Variants in LRRFIP2 observed in about 807,000 individuals in gnomAD.
The protein encoded by LRRFIP2 is leucine-rich repeat flightless-interacting protein 2.
A neutral mutation model predicts 125.9 loss-of-function variants in LRRFIP2; 109 were observed. That is an observed-to-expected ratio of 0.87 (90% CI 0.74 to 1.01). The LOEUF (loss-of-function observed/expected upper bound fraction) is 1.01, where lower values mean the gene tolerates loss of function less well. Among genes scored for constraint, LRRFIP2 ranks in the 50% least tolerant of loss-of-function variants. LRRFIP2 has a pLI of 0.00. For missense variants in LRRFIP2, 850 were observed against 862.3 expected (o/e 0.99, Z 0.18); for synonymous variants, 291 against 293.1 (o/e 0.99, Z 0.07).
chr3:37,126,388 T>C (rs1426404327), intron 4 of LRRFIP2, among the ~76,000 whole-genome samples: 1 of 152,040 alleles, frequency 6.6e-6, no homozygotes, highest in African/African-American at 2.4e-5. Context: ...GAAGTGATAA[T>C]TATTCCCATC....
intron 18 of LRRFIP2, among the ~76,000 whole-genome samples, chr3:37,087,324 CATCT>C (rs1211600396): frequency 3.9e-5 from 6 of 152,112 alleles, no homozygotes; most frequent in South Asian, 2.1e-4. Context: ...AATTCTCATC[CATCT>C]GAGAGGCTAA....
At chr3:37,134,790 T>A (rs879043045) in intron 2 of LRRFIP2, 5 of 817,112 alleles carry the variant, frequency 6.1e-6, no homozygotes, top group Non-Finnish European at 6.5e-6. Flanking sequence ...TGACAGCCCA[T>A]ATCAAAGCGG....
At chr3:37,135,026 A>G in intron 2 of LRRFIP2, 1 of 1,476,964 alleles carries the variant, frequency 6.8e-7, no homozygotes, top group Non-Finnish European at 9.4e-7. Context: ...AGTGCCAGAG[A>G]GCACACGGAT....
At chr3:37,117,781 A>C (rs2094858556) in intron 6 of LRRFIP2, among the ~76,000 whole-genome samples, 1 of 152,206 alleles carries the variant, frequency 6.6e-6, no homozygotes, top group Non-Finnish European at 1.5e-5. Context: ...AAGGACACTG[A>C]AAGTCAAAAG....
chr3:37,063,317 G>A (rs1010372741), intron 24 of LRRFIP2, among the ~76,000 whole-genome samples: 1 of 152,122 alleles, frequency 6.6e-6, no homozygotes, highest in Non-Finnish European at 1.5e-5. Context: ...AGGGACAAAG[G>A]ATGAAAAACA....
chr3:37,101,668 G>GAAA (rs56878231), intron 15 of LRRFIP2, among the ~76,000 whole-genome samples: 14 of 128,338 alleles, frequency 1.1e-4, no homozygotes, highest in Non-Finnish European at 1.1e-4. Context: ...CTGTCACCAA[G>GAAA]AAAAAAAAAA....
rs1361055275 is a variant in LRRFIP2, at chr3:37,153,323, C to A, written c.-55-4285G>T. Among the ~76,000 whole-genome samples, 3 of 152,042 alleles carry A rather than the reference C, an allele frequency of 2.0e-5. No individual in the cohort carries two copies. The South Asian group carries it at 6.3e-4, about 32-fold the overall frequency. ...CAAGAACTGACTGACCCTGGGAGGT[C>A]AACGCTGCAGTGAGCCATGATCACT... On this transcript the variant is annotated intron_variant, in intron 1 of 27. Transcript: ENST00000336686.
intron 4 of LRRFIP2, among the ~76,000 whole-genome samples, chr3:37,125,660 A>G (rs2095245677): frequency 6.6e-6 from 1 of 152,188 alleles, no homozygotes; most frequent in African/African-American, 2.4e-5. Flanking sequence ...CTCATTTCTG[A>G]GCTTCCTTCC....
rs1271180997 is a variant in LRRFIP2 at position 37,129,122 on chromosome 3, C to T, written c.118G>A (p.Ala40Thr). Residue 40 changes from alanine (A) to threonine (T), a missense_variant, in exon 3 of 28, where the codon GCT (alanine) becomes ACT (threonine). Transcript: ENST00000336686. ...EAEARLAAKR[A>T]ARAEARDIRM... ...ATATCTCTTGCTTCTGCCCGGGCAG[C>T]CCGTTTTGCTGCCAGCCTTGCCTCT... is the stretch of plus-strand genomic sequence containing the variant. 7.4e-6 allele frequency: 12 copies of T among 1,614,022 alleles called. No individual in the cohort carries two copies. The highest frequency in any genetic ancestry group is 1.0e-5 in the Non-Finnish European group (12 of 1,180,006).
chr3:37,153,217 T>C (rs1263057622), intron 1 of LRRFIP2, among the ~76,000 whole-genome samples: 1 of 151,996 alleles, frequency 6.6e-6, no homozygotes, highest in Non-Finnish European at 1.5e-5. Flanking sequence ...GGCAAAACCC[T>C]GTCTCTAGAA....
chr3:37,139,694 C>A (rs2095643988), intron 2 of LRRFIP2, among the ~76,000 whole-genome samples: 1 of 152,144 alleles, frequency 6.6e-6, no homozygotes, highest in South Asian at 2.1e-4. Context: ...ATGTCCTCCC[C>A]AGGACTTTGT....
At chr3:37,164,031 A>G (rs2096412765) in intron 1 of LRRFIP2, among the ~76,000 whole-genome samples, 1 of 152,356 alleles carries the variant, frequency 6.6e-6, no homozygotes. Context: ...TTCGTTTTAT[A>G]GCTTATAAAT....
At chr3:37,111,577 A>G (rs886481093) in intron 8 of LRRFIP2, among the ~76,000 whole-genome samples, 2 of 152,222 alleles carry the variant, frequency 1.3e-5, no homozygotes, top group Non-Finnish European at 2.9e-5. Flanking sequence ...AAAATAAACA[A>G]TAGTACACAT....
chr3:37,163,330 C>T (rs936287603), intron 1 of LRRFIP2, among the ~76,000 whole-genome samples: 5 of 152,100 alleles, frequency 3.3e-5, no homozygotes, highest in African/African-American at 1.2e-4. Context: ...AGGCGTTTTC[C>T]CTTTCCTTCC....
Position 37,127,698 on chromosome 3 carries a change from T to A in LRRFIP2, c.178-18A>T. 1.9e-6 allele frequency: 3 copies of A among 1,605,450 alleles called. No individual in the cohort carries two copies. Among genetic ancestry groups the A allele is most frequent in the Non-Finnish European group, 2.6e-6 (3 of 1,172,262 alleles). On this transcript the variant is annotated intron_variant, in intron 3 of 27. Coordinates refer to ENST00000336686, the MANE Select transcript of LRRFIP2 (RefSeq NM_006309.4). ...AGAGAGTACTAGAAATGCAAAAATT[T>A]CATAAACCAAATAGTTTCTAACATA... is the stretch of plus-strand genomic sequence containing the variant.
chr3:37,100,694 T>C (rs1373199139), intron 15 of LRRFIP2, among the ~76,000 whole-genome samples: 1 of 152,198 alleles, frequency 6.6e-6, no homozygotes, highest in African/African-American at 2.4e-5. Context: ...TCAGATATTA[T>C]AAATTAAGAG....
At chr3:37,141,581 A>G (rs1368070531) in intron 2 of LRRFIP2, among the ~76,000 whole-genome samples, 1 of 152,168 alleles carries the variant, frequency 6.6e-6, no homozygotes, top group Non-Finnish European at 1.5e-5. Context: ...ATTGGTTCAA[A>G]TGTTTAAAAG....
At chr3:37,128,932 G>C in intron 3 of LRRFIP2, 131 bp downstream of exon 3, 1 of 808,658 alleles carries the variant, frequency 1.2e-6, no homozygotes, top group East Asian at 2.5e-5. Flanking sequence ...AGAATGGCTT[G>C]ATAAAATACA....
At chr3:37,142,735 T>A (rs1354247351) in intron 2 of LRRFIP2, among the ~76,000 whole-genome samples, 1 of 152,134 alleles carries the variant, frequency 6.6e-6, no homozygotes, top group African/African-American at 2.4e-5. Flanking sequence ...ATCATGAGCA[T>A]CACTTCGGGA....
Sources: allele counts gnomAD v4.1 joint callset (sites outside exome capture counted in the v4.1 genomes callset), GRCh38; gene constraint gnomAD v4.1.1; transcripts MANE v1.5; gene names NCBI Gene and HGNC (gene_info 2026-07-23, HGNC 2026-07-21).